TIMELESS: variants seen among roughly 807,000 people sequenced by gnomAD.
TIMELESS encodes protein timeless homolog.
In TIMELESS, 124 loss-of-function variants were observed where a neutral mutation model predicts 164.3. The ratio of observed to expected loss-of-function variants is 0.75; its 90% CI spans 0.65 to 0.88. The LOEUF (loss-of-function observed/expected upper bound fraction) is 0.88. Among genes scored for constraint, TIMELESS ranks in the 40% least tolerant of loss-of-function variants. TIMELESS has a pLI of 0.00. For missense variants in TIMELESS, 1,422 were observed against 1,491.4 expected, an observed-to-expected ratio of 0.95 and a Z score of 0.77; for synonymous variants, 564 against 563.4, an observed-to-expected ratio of 1.00 and a Z score of -0.02.
intron 1 of TIMELESS, among the ~76,000 whole-genome samples, chr12:56,439,391 C>CTTTTTTT (rs67588306): frequency 7.3e-6 from 1 of 136,416 alleles, no homozygotes; most frequent in Non-Finnish European, 1.6e-5. Flanking sequence ...CAGGGGTTTT[C>CTTTTTTT]TTTTTTTTTT....
chr12:56,432,953 C>CAA (rs67816652), intron 6 of TIMELESS, 73 bp downstream of exon 6: 35,828 of 524,606 alleles, frequency 0.068, 270 homozygotes, highest in African/African-American at 0.15. Flanking sequence ...GACTCCGTCT[C>CAA]AAAAAAAAAA....
chr12:56,422,781 G>C, intron 19 of TIMELESS, 66 bp downstream of exon 19: 1 of 1,511,278 alleles, frequency 6.6e-7, no homozygotes. Context: ...TAACAGCTTT[G>C]ACATTCTGTG....
chr12:56,442,763 G>C (rs1868294760), intron 1 of TIMELESS, among the ~76,000 whole-genome samples: 1 of 152,180 alleles, frequency 6.6e-6, no homozygotes, highest in African/African-American at 2.4e-5. Context: ...ACCCCGAATG[G>C]AGAGACCGGC....
intron 26 of TIMELESS, among the ~76,000 whole-genome samples, chr12:56,420,048 A>ATATATATATGTGTG (rs1473074484): frequency 1.1e-5 from 1 of 87,342 alleles, no homozygotes; most frequent in African/African-American, 5.0e-5. Flanking sequence ...ATATATATAT[A>ATATATATATGTGTG]TGTGTGTGTG....
Position 56,431,601 on chromosome 12 carries a change from G to C in TIMELESS, c.691C>G (p.Pro231Ala), listed in dbSNP as rs760255925. 3.1e-6 allele frequency: 5 copies of C among 1,610,076 alleles called. No homozygotes were observed. Among genetic ancestry groups the C allele is most frequent in the Non-Finnish European group, 4.2e-6 (5 of 1,179,128 alleles). ...TGCCCTACTCCCGCCAGCTGCTCGG[G>C]GTTCTAGATTGGAACAAAGAGGGAA... ...IVSLMFRDQNPEQLAGVGQGR... is the reference protein window; with the variant it reads ...IVSLMFRDQNAEQLAGVGQGR... The change falls in exon 8 of 29, where the codon CCC becomes GCC. Residue 231 changes from proline to alanine, a missense_variant. Physicochemically the swap from Pro to Ala is conservative, Grantham distance 27. Transcript: ENST00000553532.
At chr12:56,425,669 G>A (rs1881653872) in intron 13 of TIMELESS, among the ~76,000 whole-genome samples, 1 of 152,104 alleles carries the variant, frequency 6.6e-6, no homozygotes, top group Admixed American at 6.5e-5. Context: ...GAGGTCAGGA[G>A]TTCAAGACCA....
chr12:56,436,180 G>A (rs941936532), intron 1 of TIMELESS, among the ~76,000 whole-genome samples: 1 of 152,062 alleles, frequency 6.6e-6, no homozygotes, highest in Non-Finnish European at 1.5e-5. Context: ...TTGGCTGGGC[G>A]TAGTAACTCA....
At chr12:56,417,832 G>T (rs1282566511) in intron 28 of TIMELESS, 46 bp from the exon 29 acceptor site, 10 of 1,613,586 alleles carry the variant, frequency 6.2e-6, no homozygotes, top group Middle Eastern at 1.6e-4. Flanking sequence ...ATCTAAATAT[G>T]TTAAGGGGTA....
intron 10 of TIMELESS, among the ~76,000 whole-genome samples, 178 bp downstream of exon 10, chr12:56,429,927 G>A (rs910984278): frequency 2.0e-5 from 3 of 151,716 alleles, no homozygotes; most frequent in Non-Finnish European, 4.4e-5. Flanking sequence ...GAGCCCACTC[G>A]TTCCTGGCAT....
intron 1 of TIMELESS, among the ~76,000 whole-genome samples, chr12:56,446,974 C>A (rs1475396656): frequency 6.6e-6 from 1 of 151,876 alleles, no homozygotes; most frequent in Non-Finnish European, 1.5e-5. Context: ...CTATCTCCCT[C>A]CATTAGCCTT....
chr12:56,419,812 C>A (rs1881394884), intron 26 of TIMELESS, among the ~76,000 whole-genome samples: 1 of 150,644 alleles, frequency 6.6e-6, no homozygotes, highest in Non-Finnish European at 1.5e-5. Context: ...TAATACACAG[C>A]CTGGGCAACA....
chr12:56,417,461 G>C lies in TIMELESS; in HGVS notation c.*255C>G. On this transcript the variant is annotated 3_prime_UTR_variant, in exon 29 of 29. Coordinates refer to ENST00000553532, the MANE Select transcript of TIMELESS (RefSeq NM_003920.5). ...GGAGCTCCAATAACCAAAAGAAATG[G>C]TTCCTAGAAGAAGAGAACTAAATCT... 2.2e-6 allele frequency: 1 copy of C among 451,128 alleles called. No homozygotes were observed. The highest frequency in any genetic ancestry group is 3.7e-5 in the East Asian group (1 of 26,926). 27.9% of individuals were successfully genotyped at this position (451,128 alleles called of 1,614,324 possible). A position where few individuals can be genotyped will look rare whatever the true frequency, so the allele number is the denominator to read the frequency against.
Position 56,430,974 on chromosome 12 carries a change from G to A in TIMELESS, c.822-6C>T, listed in dbSNP as rs1381829854. On this transcript the variant is annotated splice_region_variant and splice_polypyrimidine_tract_variant and intron_variant, in intron 8 of 28. Coordinates refer to ENST00000553532, the MANE Select transcript of TIMELESS (RefSeq NM_003920.5). Reference sequence around the variant, plus strand: ...AGCCCCCAAATCGAGAATGCCTGCAGAAACAAAAAGGTCCAAGGTGATTTT... The same window carrying A: ...AGCCCCCAAATCGAGAATGCCTGCAAAAACAAAAAGGTCCAAGGTGATTTT... The A allele has an allele frequency of 1.3e-6, 2 of 1,566,832 alleles. No homozygotes were observed. Among genetic ancestry groups the A allele is most frequent in the African/African-American group, 2.8e-5 (2 of 71,730 alleles).
In TIMELESS at chr12:56,424,857, T is replaced by C; in HGVS notation, c.1773A>G (p.Pro591=). ...VVPFDAASEV[P]VEEQRAEAMV... is the part of the protein sequence containing the mutation. ...TAGCTTCTGCCCGCTGCTCCTCCACTGGCACCTCTGAGGCCGCATCAAAGG... is the reference window on the plus strand; with the variant it reads ...TAGCTTCTGCCCGCTGCTCCTCCACCGGCACCTCTGAGGCCGCATCAAAGG... Residue 591 remains proline (P), a synonymous_variant, in exon 15 of 29, where the codon CCA becomes CCG. Coordinates refer to ENST00000553532, the MANE Select transcript of TIMELESS (RefSeq NM_003920.5). 1 of 1,614,230 alleles carries C rather than the reference T, an allele frequency of 6.2e-7. No homozygotes were observed. The highest frequency in any genetic ancestry group is 8.5e-7 in the Non-Finnish European group (1 of 1,180,044).
At chr12:56,438,148 C>T (rs920215847) in intron 1 of TIMELESS, among the ~76,000 whole-genome samples, 1 of 152,044 alleles carries the variant, frequency 6.6e-6, no homozygotes, top group East Asian at 1.9e-4. Context: ...CGGGTTCAAG[C>T]GATTCTCCTG....
intron 1 of TIMELESS, among the ~76,000 whole-genome samples, chr12:56,447,932 A>G (rs1197223134): frequency 2.0e-5 from 3 of 152,154 alleles, no homozygotes; most frequent in Non-Finnish European, 4.4e-5. Context: ...GAAAGAGGGC[A>G]GCCACAATCT....
rs1170978050 is a variant in TIMELESS at position 56,433,511 on chromosome 12, C to T, written c.366+27G>A. ...TCTTCACCACTGCCCCATATTCCACCCCAGGGACTCCAAAGGAAATCCTCA... is the reference window on the plus strand; with the variant it reads ...TCTTCACCACTGCCCCATATTCCACTCCAGGGACTCCAAAGGAAATCCTCA... On this transcript the variant is annotated intron_variant, in intron 4 of 28. Transcript: ENST00000553532. The T allele has an allele frequency of 3.1e-6, 5 of 1,613,866 alleles. No homozygotes were observed. In the South Asian group the frequency reaches 4.4e-5, roughly 14 times the overall value.
chr12:56,430,417 G>T, intron 9 of TIMELESS, 136 bp from the exon 10 acceptor site: 1 of 1,011,654 alleles, frequency 9.9e-7, no homozygotes, highest in Non-Finnish European at 1.4e-6. Context: ...CCAGGCTGGA[G>T]TGTAATGATG....
In TIMELESS at chr12:56,430,880, C is replaced by T. The variant is rs138326808; in HGVS notation, c.909+1G>A. On this transcript the variant is annotated splice_donor_variant, in intron 9 of 28. Transcript: ENST00000553532. LOFTEE classifies it high-confidence loss of function. Reference sequence around the variant, plus strand: ...CCCACTCCAGATGTAAGAATACTCACGTTGTGAAGGCCTTTGTGAAAGATG... The same window carrying T: ...CCCACTCCAGATGTAAGAATACTCATGTTGTGAAGGCCTTTGTGAAAGATG... The T allele has an allele frequency of 5.7e-6, 9 of 1,589,182 alleles. No homozygotes were observed. The highest frequency in any genetic ancestry group is 2.3e-5 in the East Asian group (1 of 43,298).
Sources: allele counts gnomAD v4.1 joint callset (sites outside exome capture counted in the v4.1 genomes callset), GRCh38; gene constraint gnomAD v4.1.1; transcripts MANE v1.5; gene names NCBI Gene and HGNC (gene_info 2026-07-23, HGNC 2026-07-21).